Variants in SORL1 observed in about 807,000 individuals in gnomAD.
The protein encoded by SORL1 is sortilin-related receptor.
SORL1 carries 127 observed loss-of-function variants against 273.7 expected under a neutral mutation model. The ratio of observed to expected loss-of-function variants is 0.46; its 90% CI spans 0.40 to 0.54. The LOEUF (loss-of-function observed/expected upper bound fraction) is 0.54, where lower values mean the gene tolerates loss of function less well. Among genes scored for constraint, SORL1 ranks in the 20% least tolerant of loss-of-function variants. The pLI is 0.00. For synonymous variants in SORL1, 1,031 were observed against 1,067.4 expected, an observed-to-expected ratio of 0.97 and a Z score of 0.66; for missense variants, 2,494 against 2,846.1, an observed-to-expected ratio of 0.88 and a Z score of 2.81.
intron 3 of SORL1, among the ~76,000 whole-genome samples, chr11:121,484,672 A>G (rs1861445781): frequency 6.6e-6 from 1 of 152,176 alleles, no homozygotes; most frequent in South Asian, 2.1e-4. Context: ...GCCCATCAAA[A>G]GTGGAGATGG....
chr11:121,577,003 A>G, intron 24 of SORL1: 15 of 1,422,612 alleles, frequency 1.1e-5, no homozygotes, highest in Non-Finnish European at 1.4e-5. Context: ...TGTGGAGAGC[A>G]CTGGGATGAA....
chr11:121,529,580 G>GTT (rs900803641), intron 11 of SORL1, among the ~76,000 whole-genome samples: 1 of 148,284 alleles, frequency 6.7e-6, no homozygotes, highest in African/African-American at 2.5e-5. Context: ...TATTTAAAGT[G>GTT]TTTTTTTTTT....
At chr11:121,602,132 C>T (rs1166343481) in intron 32 of SORL1, among the ~76,000 whole-genome samples, 1 of 152,180 alleles carries the variant, frequency 6.6e-6, no homozygotes, top group Non-Finnish European at 1.5e-5. Flanking sequence ...TAGTGGTTCT[C>T]AAACCTTTCT....
At chr11:121,467,508 T>G (rs749750018) in intron 1 of SORL1, among the ~76,000 whole-genome samples, 7 of 152,012 alleles carry the variant, frequency 4.6e-5, no homozygotes, top group Non-Finnish European at 1.0e-4. Flanking sequence ...TTTGAGGACT[T>G]TTTATCCCAG....
Position 121,608,118 on chromosome 11 carries a change from T to C in SORL1, c.5181T>C (p.Thr1727=), listed in dbSNP as rs549129850. The C allele has an allele frequency of 6.2e-7, 1 of 1,613,926 alleles. No homozygotes were observed. The highest frequency in any genetic ancestry group is 2.2e-5 in the East Asian group (1 of 44,884). ...GATTTGAAAAGGTGGCTGCGGTGAC[T>C]AGTCGTGGAATAGGAAACTGGAGCG... ...TLYTVRVAAV[T]SRGIGNWSDS... The change falls in exon 38 of 48, where the codon ACT becomes ACC. Residue 1727 remains threonine, a synonymous_variant. Coordinates refer to ENST00000260197, the MANE Select transcript of SORL1 (RefSeq NM_003105.6).
At chr11:121,606,264 T>G (rs1211513975) in intron 35 of SORL1, among the ~76,000 whole-genome samples, 1 of 152,224 alleles carries the variant, frequency 6.6e-6, no homozygotes, top group Non-Finnish European at 1.5e-5. Context: ...TTTATGTGTC[T>G]AAGAGAGTTC....
At position 121,606,910 on chromosome 11, in the gene SORL1, C is replaced by G. The variant is rs555228248; in HGVS notation, c.5014C>G (p.His1672Asp). 6.2e-7 allele frequency: 1 copy of G among 1,614,132 alleles called. No individual in the cohort carries two copies. Among genetic ancestry groups the G allele is most frequent in the South Asian group, 1.1e-5 (1 of 91,086 alleles). ...GGAAGCAGAAGGTGTGATTGTAGGC[C>G]ACTGGGCTCCTCCCATCCACACCCA... ...PREAEGVIVG[H>D]WAPPIHTHGL... Residue 1672 changes from histidine to aspartate, a missense_variant, in exon 36 of 48, where the codon CAC becomes GAC. This residue lies in a region of SORL1 where 1,609 missense variants were observed against 1,816.4 expected (regional missense o/e 0.89). Transcript: ENST00000260197.
chr11:121,498,928 A>C (rs1861670345), intron 6 of SORL1, among the ~76,000 whole-genome samples: 1 of 151,852 alleles, frequency 6.6e-6, no homozygotes, highest in African/African-American at 2.4e-5. Flanking sequence ...CCTCCATTCT[A>C]GTCTAACAGC....
chr11:121,622,099 C>T (rs1000804853), intron 44 of SORL1, 63 bp from the exon 45 acceptor site: 18 of 942,170 alleles, frequency 1.9e-5, no homozygotes, highest in Non-Finnish European at 3.0e-5. Flanking sequence ...CTTTGATAGA[C>T]AAGAAAATAG....
At chr11:121,576,465 C>G (rs1862933223) in intron 24 of SORL1, among the ~76,000 whole-genome samples, 1 of 152,168 alleles carries the variant, frequency 6.6e-6, no homozygotes, top group South Asian at 2.1e-4. Flanking sequence ...CACAGGGGTC[C>G]CATCTCTTAA....
intron 6 of SORL1, among the ~76,000 whole-genome samples, chr11:121,508,539 C>A (rs1329856691): frequency 6.6e-6 from 1 of 152,178 alleles, no homozygotes; most frequent in Non-Finnish European, 1.5e-5. Context: ...AAGACAAGAG[C>A]TGATAATGCA....
Position 121,532,341 on chromosome 11 carries a change from T to G in SORL1, c.1597-123T>G, listed in dbSNP as rs1397341831. 5 of 787,642 alleles carry G rather than the reference T, an allele frequency of 6.3e-6. No homozygotes were observed. The African/African-American group carries it at 8.6e-5, about 14-fold the overall frequency. The allele number at this position is 787,642 out of a possible 1,614,324, so 48.8% of individuals were successfully genotyped here. On this transcript the variant is annotated intron_variant, in intron 11 of 47. Coordinates refer to ENST00000260197, the MANE Select transcript of SORL1 (RefSeq NM_003105.6). ...TCTTCTGTAAACGGAAAAATTGTTT[T>G]CAAGTGGTTGTCATTGCTGTTATGT...
At chr11:121,458,203 T>C (rs1398974098) in intron 1 of SORL1, among the ~76,000 whole-genome samples, 1 of 152,242 alleles carries the variant, frequency 6.6e-6, no homozygotes, top group Non-Finnish European at 1.5e-5. Context: ...AATTAAGTTT[T>C]GCTCAGGTGA....
intron 6 of SORL1, among the ~76,000 whole-genome samples, chr11:121,503,449 T>C (rs544312206): frequency 2.0e-5 from 3 of 152,270 alleles, no homozygotes; most frequent in Admixed American, 6.5e-5. Context: ...GGCACCTTGG[T>C]TGGAAATTAT....
rs1863733318 is a variant in SORL1 at position 121,622,208 on chromosome 11, T to C, written c.6111T>C (p.Asp2037=). 1.9e-6 allele frequency: 3 copies of C among 1,612,984 alleles called. No individual in the cohort carries two copies. In the East Asian group the frequency reaches 6.7e-5, roughly 36 times the overall value. ...CCTTAAAAATCATAACAGAAAATGATCATGTTCTTCTGTTTTGGAAAAGCC... is the reference window on the plus strand; with the variant it reads ...CCTTAAAAATCATAACAGAAAATGACCATGTTCTTCTGTTTTGGAAAAGCC... ...PDALKIITEN[D]HVLLFWKSLA... is the part of the protein sequence containing the mutation. Residue 2037 remains aspartate, a synonymous_variant, in exon 45 of 48, where the codon GAT becomes GAC. Transcript: ENST00000260197.
At chr11:121,454,736 C>G (rs1860872385) in intron 1 of SORL1, among the ~76,000 whole-genome samples, 1 of 152,202 alleles carries the variant, frequency 6.6e-6, no homozygotes, top group African/African-American at 2.4e-5. Context: ...CTTTCTGCCA[C>G]AAGTTCTATC....
At chr11:121,465,431 G>C (rs1236305789) in intron 1 of SORL1, among the ~76,000 whole-genome samples, 1 of 152,082 alleles carries the variant, frequency 6.6e-6, no homozygotes, top group Non-Finnish European at 1.5e-5. Flanking sequence ...TCTAGCTACC[G>C]TCATTTAGTT....
chr11:121,528,567 T>C (rs977964662), intron 11 of SORL1, among the ~76,000 whole-genome samples: 4 of 152,252 alleles, frequency 2.6e-5, no homozygotes, highest in African/African-American at 9.6e-5. Context: ...TCATCATCAT[T>C]ATCTGATTCC....
intron 2 of SORL1, among the ~76,000 whole-genome samples, chr11:121,476,790 T>TCCTCCCTTCCTC (rs1861275889): frequency 2.4e-5 from 3 of 122,606 alleles, no homozygotes; most frequent in Non-Finnish European, 3.4e-5. Flanking sequence ...CTCCCTTCCT[T>TCCTCCCTTCCTC]CCTCCCTTCC....
Sources: allele counts gnomAD v4.1 joint callset (sites outside exome capture counted in the v4.1 genomes callset), GRCh38; gene constraint gnomAD v4.1.1; regional missense constraint gnomAD v4.1.1; transcripts MANE v1.5; gene names NCBI Gene and HGNC (gene_info 2026-07-23, HGNC 2026-07-21).